ZNF438: variants seen among roughly 807,000 people sequenced by gnomAD.
ZNF438 encodes zinc finger protein 438.
A neutral mutation model predicts 38.0 loss-of-function variants in ZNF438; 25 were observed. That is an observed-to-expected ratio of 0.66 (90% CI 0.48 to 0.92). The LOEUF is 0.92. Ranked by LOEUF, ZNF438 falls within the 40% of genes least tolerant of loss-of-function variation. The probability of loss-of-function intolerance (pLI) is 0.00; values close to 1 mark genes in which losing one functional copy is unlikely to be tolerated. For synonymous variants in ZNF438, 372 were observed against 364.1 expected (o/e 1.02, Z -0.25); for missense variants, 1,007 against 999.6 (o/e 1.01, Z -0.10).
chr10:31,003,569 C>T (rs927717199), intron 1 of ZNF438, among the ~76,000 whole-genome samples: 1 of 152,154 alleles, frequency 6.6e-6, no homozygotes, highest in Non-Finnish European at 1.5e-5. Flanking sequence ...TACTCTGATA[C>T]TAACCTCATG....
At chr10:30,940,867 C>T (rs1013887882) in intron 2 of ZNF438, among the ~76,000 whole-genome samples, 1 of 151,982 alleles carries the variant, frequency 6.6e-6, no homozygotes, top group African/African-American at 2.4e-5. Flanking sequence ...CAAAATATTT[C>T]TTTAAATAAG....
intron 2 of ZNF438, among the ~76,000 whole-genome samples, chr10:30,926,046 G>A (rs777310537): frequency 3.9e-5 from 6 of 152,200 alleles, no homozygotes; most frequent in Admixed American, 2.6e-4. Flanking sequence ...ATGTCACACA[G>A]TCATAAAACA....
In ZNF438 at chr10:30,848,893, C is replaced by A. The variant is rs1169410508; in HGVS notation, c.1512G>T (p.Lys504Asn). 7 of 1,614,188 alleles carry A rather than the reference C, an allele frequency of 4.3e-6. No homozygotes were observed. In the East Asian group the frequency reaches 1.6e-4, roughly 36 times the overall value. The stretch of plus-strand genomic sequence containing the variant: ...TGCAGACGTGACATCTGTGCCAAGG[C>A]TTCTTAATGCCAGAGAATCCATTTC... The change falls in exon 5 of 6, where the codon AAG becomes AAT. Residue 504 changes from lysine (K) to asparagine (N), a missense_variant. Coordinates refer to ENST00000413025, the Ensembl canonical transcript of ZNF438.
chr10:30,887,514 G>A (rs2040116188), intron 3 of ZNF438, among the ~76,000 whole-genome samples: 1 of 152,100 alleles, frequency 6.6e-6, no homozygotes, highest in South Asian at 2.1e-4. Context: ...TCAGGCTCCT[G>A]AGTAGCTGGG....
At chr10:30,953,429 A>G (rs562224867) in intron 1 of ZNF438, among the ~76,000 whole-genome samples, 4 of 151,952 alleles carry the variant, frequency 2.6e-5, no homozygotes, top group Non-Finnish European at 4.4e-5. Context: ...ATTAAAAAAA[A>G]AAGTAAAAGA....
chr10:30,979,809 CT>C (rs2051896442), intron 1 of ZNF438, among the ~76,000 whole-genome samples: 1 of 152,194 alleles, frequency 6.6e-6, no homozygotes, highest in Non-Finnish European at 1.5e-5. Flanking sequence ...CTCTCTGTAA[CT>C]TTTCCCCATT....
At chr10:30,888,053 C>A (rs965399936) in intron 3 of ZNF438, among the ~76,000 whole-genome samples, 2 of 151,930 alleles carry the variant, frequency 1.3e-5, no homozygotes, top group Admixed American at 1.3e-4. Context: ...TGAGTTGCTG[C>A]CAGTTTTTGG....
At chr10:30,946,846 T>C (rs2047471299) in intron 1 of ZNF438, among the ~76,000 whole-genome samples, 2 of 152,192 alleles carry the variant, frequency 1.3e-5, no homozygotes, top group African/African-American at 4.8e-5. Context: ...GTTTTCCATT[T>C]TATCTCCACT....
At chr10:30,945,402 ATTTT>A (rs1457163721) in intron 1 of ZNF438, among the ~76,000 whole-genome samples, 2 of 122,704 alleles carry the variant, frequency 1.6e-5, no homozygotes, top group Admixed American at 1.6e-4. Context: ...TTTTTTTTTT[ATTTT>A]TTTTTACTTT....
At chr10:30,854,543 A>G (rs1458397057) in intron 4 of ZNF438, among the ~76,000 whole-genome samples, 1 of 152,214 alleles carries the variant, frequency 6.6e-6, no homozygotes, top group East Asian at 1.9e-4. Context: ...GGAAAAAAAG[A>G]ACACAATTTA....
chr10:30,956,272 G>A (rs2048852521), intron 1 of ZNF438, among the ~76,000 whole-genome samples: 1 of 152,298 alleles, frequency 6.6e-6, no homozygotes, highest in East Asian at 1.9e-4. Context: ...ATAAAAGAGA[G>A]ACTGTTAGTG....
chr10:30,849,223 C>T (rs188022216), exon 5 of ZNF438: 1 of 1,613,910 alleles, frequency 6.2e-7, no homozygotes, highest in African/African-American at 1.3e-5. Flanking sequence ...CCTGAAATGC[C>T]AAAATTTCAT....
intron 4 of ZNF438, among the ~76,000 whole-genome samples, chr10:30,871,613 T>G (rs2037421882): frequency 6.6e-6 from 1 of 152,254 alleles, no homozygotes. Flanking sequence ...CTAATATTCT[T>G]ATTCACAAAT....
At chr10:31,026,858 T>C (rs61845218) in intron 1 of ZNF438, among the ~76,000 whole-genome samples, 12,181 of 152,120 alleles carry the variant, frequency 0.08, 513 homozygotes, top group African/African-American at 0.11. Context: ...CCATCAATGA[T>C]AGACTGGATT....
At chr10:30,948,052 C>G (rs9732725) in intron 1 of ZNF438, among the ~76,000 whole-genome samples, 132,857 of 152,160 alleles carry the variant, frequency 0.87, 58,385 homozygotes, top group East Asian at 1. Context: ...CTGGAGATCT[C>G]AGTACGGGCA....
At chr10:30,971,687 TTTTC>T (rs1341995731) in intron 1 of ZNF438, among the ~76,000 whole-genome samples, 1 of 152,154 alleles carries the variant, frequency 6.6e-6, no homozygotes, top group Non-Finnish European at 1.5e-5. Flanking sequence ...TAAAACCTCA[TTTTC>T]TTTATTTAGT....
intron 1 of ZNF438, among the ~76,000 whole-genome samples, chr10:31,013,244 G>A (rs1029090261): frequency 7.2e-5 from 11 of 151,962 alleles, no homozygotes; most frequent in Admixed American, 2.0e-4. Flanking sequence ...GCGTGAACCC[G>A]GGAGGCGGAG....
intron 3 of ZNF438, among the ~76,000 whole-genome samples, chr10:30,893,149 C>A (rs1010179099): frequency 6.6e-6 from 1 of 152,224 alleles, no homozygotes; most frequent in African/African-American, 2.4e-5. Flanking sequence ...TCAAAACCAT[C>A]ACTTGCAAAA....
At chr10:30,915,204 A>G (rs1342485790) in intron 2 of ZNF438, among the ~76,000 whole-genome samples, 2 of 152,060 alleles carry the variant, frequency 1.3e-5, no homozygotes, top group African/African-American at 4.8e-5. Flanking sequence ...AGTTTAAGAT[A>G]GAAAATAAAT....
Sources: allele counts gnomAD v4.1 joint callset (sites outside exome capture counted in the v4.1 genomes callset), GRCh38; gene constraint gnomAD v4.1.1; transcripts MANE v1.5; gene names NCBI Gene and HGNC (gene_info 2026-07-23, HGNC 2026-07-21).